The following KCNIP4 variants were observed in gnomAD, a reference collection of about 807,000 sequenced individuals.
KCNIP4 encodes potassium voltage-gated channel interacting protein 4.
Under a neutral mutation model 34.0 loss-of-function variants are expected in KCNIP4, and 12 were observed. The ratio of observed to expected loss-of-function variants is 0.35; its 90% confidence interval spans 0.23 to 0.57. KCNIP4 has a LOEUF of 0.57. Among genes scored for constraint, KCNIP4 ranks in the 20% least tolerant of loss-of-function variants. KCNIP4 has a pLI of 0.83. For synonymous variants in KCNIP4, 124 were observed against 102.2 expected, an observed-to-expected ratio of 1.21 and a Z score of -1.29; for missense variants, 238 against 311.7, an observed-to-expected ratio of 0.76 and a Z score of 1.78.
rs1734019730 is a variant in KCNIP4 at position 21,508,296 on chromosome 4, G to A, written c.61+440275C>T. On this transcript the variant is annotated intron_variant, in intron 1 of 8. Coordinates refer to ENST00000382152, the MANE Select transcript of KCNIP4 (RefSeq NM_025221.6). ...CCATTCCTTTAACCAATTCAAAAAT[G>A]CCTCTATCTTCAGTTACTTGACTGT... Among the ~76,000 whole-genome samples, 5 of 152,096 alleles carry A rather than the reference G, an allele frequency of 3.3e-5. No homozygotes were observed. In the South Asian group the frequency reaches 1.0e-3, roughly 32 times the overall value.
intron 1 of KCNIP4, among the ~76,000 whole-genome samples, chr4:21,604,153 T>C (rs1430076227): frequency 6.6e-6 from 1 of 152,172 alleles, no homozygotes; most frequent in Non-Finnish European, 1.5e-5. Context: ...TTGAATAATA[T>C]ACCTTCTATT....
chr4:20,937,865 G>A (rs16870226), intron 1 of KCNIP4, among the ~76,000 whole-genome samples: 19,994 of 151,988 alleles, frequency 0.13, 1,840 homozygotes, highest in African/African-American at 0.27. Flanking sequence ...AATTTATAAA[G>A]CCTAGTCATA....
intron 3 of KCNIP4, among the ~76,000 whole-genome samples, chr4:20,815,517 G>C (rs1483667067): frequency 6.6e-6 from 1 of 152,116 alleles, no homozygotes; most frequent in Non-Finnish European, 1.5e-5. Context: ...AAGAATCCTT[G>C]ATTCCACTTG....
At chr4:21,016,199 G>T (rs886110770) in intron 1 of KCNIP4, among the ~76,000 whole-genome samples, 1 of 151,174 alleles carries the variant, frequency 6.6e-6, no homozygotes, top group African/African-American at 2.4e-5. Context: ...TTACAAACTG[G>T]ATGAGGGCTT....
rs549816758 is a variant in KCNIP4 at position 20,824,202 on chromosome 4, G to T, written c.288+26341C>A. Among the ~76,000 whole-genome samples the T allele has an allele frequency of 2.0e-5, 3 of 152,284 alleles. No individual in the cohort carries two copies. The East Asian group carries it at 5.8e-4, about 29-fold the overall frequency. ...AGACAGCATTATGCCAGAGGCATTT[G>T]TGTCTGTGTGTGTGTATGTGTGTAT... On this transcript the variant is annotated intron_variant, in intron 3 of 8. Coordinates refer to ENST00000382152, the MANE Select transcript of KCNIP4 (RefSeq NM_025221.6).
chr4:21,011,021 C>T (rs1319498647), intron 1 of KCNIP4, among the ~76,000 whole-genome samples: 2 of 152,104 alleles, frequency 1.3e-5, no homozygotes, highest in Admixed American at 6.5e-5. Context: ...TACTCAATGC[C>T]TCCCGATGAA....
chr4:20,915,363 A>G (rs1009696557), intron 1 of KCNIP4, among the ~76,000 whole-genome samples: 3 of 152,214 alleles, frequency 2.0e-5, no homozygotes, highest in African/African-American at 4.8e-5. Context: ...GATGAGTTCC[A>G]GCAAAAAAAT....
At chr4:21,474,439 A>G (rs1015642668) in intron 1 of KCNIP4, among the ~76,000 whole-genome samples, 2 of 152,292 alleles carry the variant, frequency 1.3e-5, no homozygotes, top group East Asian at 3.9e-4. Flanking sequence ...TGAACTCCAA[A>G]TATGCCTCAG....
chr4:21,003,051 C>T (rs1376559849), intron 1 of KCNIP4, among the ~76,000 whole-genome samples: 1 of 152,164 alleles, frequency 6.6e-6, no homozygotes, highest in East Asian at 1.9e-4. Flanking sequence ...ACAGCAACAA[C>T]ATCATGGGAG....
chr4:21,749,076 T>C (rs1192771232), intron 1 of KCNIP4, among the ~76,000 whole-genome samples: 2 of 152,174 alleles, frequency 1.3e-5, no homozygotes, highest in Admixed American at 1.3e-4. Context: ...CTCTTGATTG[T>C]GAATCCCCTT....
chr4:21,033,869 A>T (rs573269725), intron 1 of KCNIP4, among the ~76,000 whole-genome samples: 1 of 152,320 alleles, frequency 6.6e-6, no homozygotes, highest in African/African-American at 2.4e-5. Context: ...TGAAAATCAC[A>T]AACAGTGGAA....
intron 1 of KCNIP4, among the ~76,000 whole-genome samples, chr4:21,679,542 A>G (rs1354758393): frequency 6.6e-6 from 1 of 152,116 alleles, no homozygotes; most frequent in Non-Finnish European, 1.5e-5. Context: ...TCAAATATTA[A>G]CAATGCTAAG....
At chr4:20,785,078 T>C (rs764537592) in intron 3 of KCNIP4, among the ~76,000 whole-genome samples, 1 of 152,092 alleles carries the variant, frequency 6.6e-6, no homozygotes, top group African/African-American at 2.4e-5. Context: ...GAGGAAACAC[T>C]GTTGGACCAC....
intron 1 of KCNIP4, among the ~76,000 whole-genome samples, chr4:21,345,135 T>A (rs762444364): frequency 5.9e-5 from 9 of 152,120 alleles, no homozygotes; most frequent in Non-Finnish European, 1.2e-4. Context: ...AGACTGTGGC[T>A]TCTGTCTTGG....
At chr4:21,515,538 C>G (rs754588872) in intron 1 of KCNIP4, among the ~76,000 whole-genome samples, 3 of 151,996 alleles carry the variant, frequency 2.0e-5, no homozygotes, top group Non-Finnish European at 4.4e-5. Context: ...ACTCAGGAGG[C>G]TGAGGCAGGA....
At chr4:21,173,078 C>G (rs1043899222) in intron 1 of KCNIP4, among the ~76,000 whole-genome samples, 1 of 152,152 alleles carries the variant, frequency 6.6e-6, no homozygotes, top group Non-Finnish European at 1.5e-5. Flanking sequence ...GAAATAGATT[C>G]TGTTTCCTCA....
At chr4:21,598,070 CACTG>C (rs1742796869) in intron 1 of KCNIP4, among the ~76,000 whole-genome samples, 1 of 151,976 alleles carries the variant, frequency 6.6e-6, no homozygotes, top group Non-Finnish European at 1.5e-5. Context: ...GTCAGCATGC[CACTG>C]ACTATTCTGG....
rs11436478 is a variant in KCNIP4 at position 21,242,163 on chromosome 4, C to CAAAAAAAAAAA, written c.62-359465_62-359455dup. Among the ~76,000 whole-genome samples the CAAAAAAAAAAA allele has an allele frequency of 3.8e-4, 21 of 55,736 alleles. 1 individual carries two copies. Among genetic ancestry groups the CAAAAAAAAAAA allele is most frequent in the African/African-American group, 7.9e-4 (14 of 17,808 alleles). 36.6% of individuals were successfully genotyped at this position (55,736 alleles called of 152,430 possible). A position where few individuals can be genotyped will look rare whatever the true frequency, so the allele number is the denominator to read the frequency against. On this transcript the variant is annotated intron_variant, in intron 1 of 8. Coordinates refer to ENST00000382152, the MANE Select transcript of KCNIP4 (RefSeq NM_025221.6). ...TGGGCGACAGAGCGAAATTCTGTCT[C>CAAAAAAAAAAA]AAAAAAAAAAAAAAAAAAAAAAAGA... is the stretch of plus-strand genomic sequence containing the variant.
chr4:20,774,961 C>A lies in KCNIP4; in HGVS notation c.289-16071G>T, dbSNP rs550923473. ...ATTAAGAGATGATTTACATCAAGTG[C>A]CCAGCACAATCCCAATCGCATTCTA... On this transcript the variant is annotated intron_variant, in intron 3 of 8. Transcript: ENST00000382152. Among the ~76,000 whole-genome samples the A allele has an allele frequency of 4.1e-4, 62 of 152,298 alleles. 1 individual carries two copies. The South Asian group carries it at 5.4e-3, about 13-fold the overall frequency.
Sources: gnomAD v4.1 joint callset for allele counts (sites outside exome capture counted in the v4.1 genomes callset) on GRCh38, gnomAD v4.1.1 for gene constraint, MANE v1.5 for transcripts, NCBI Gene and HGNC (gene_info 2026-07-23, HGNC 2026-07-21) for gene names.